Variants in SLC24A2 observed in about 807,000 individuals in gnomAD.
The protein encoded by SLC24A2 is sodium/potassium/calcium exchanger 2.
Under a neutral mutation model 62.0 loss-of-function variants are expected in SLC24A2, and 36 were observed. That is an observed-to-expected ratio of 0.58 (90% CI 0.44 to 0.77). The LOEUF (loss-of-function observed/expected upper bound fraction) is 0.77, where lower values mean the gene tolerates loss of function less well. Ranked by LOEUF, SLC24A2 falls within the 30% of genes least tolerant of loss-of-function variation. The probability of loss-of-function intolerance (pLI) is 0.00; values close to 1 mark genes in which losing one functional copy is unlikely to be tolerated. For missense variants in SLC24A2, 846 were observed against 817.9 expected (o/e 1.03, Z -0.42); for synonymous variants, 358 against 294.0 (o/e 1.22, Z -2.23).
the SLC24A2 span, among the ~76,000 whole-genome samples, chr9:19,821,671 ATCC>A: frequency 2.0e-5 from 3 of 152,138 alleles, no homozygotes; most frequent in East Asian, 5.8e-4. Context: ...TTTAAATGCC[ATCC>A]TCATTAATTT....
intron 8 of SLC24A2, among the ~76,000 whole-genome samples, chr9:19,538,303 C>T (rs1834075120): frequency 1.4e-5 from 2 of 146,012 alleles, no homozygotes; most frequent in Admixed American, 1.4e-4. Context: ...GGAATGCTTC[C>T]AGTTTTTGCC....
At chr9:19,709,787 T>G in intron 2 of SLC24A2, among the ~76,000 whole-genome samples, 1 of 146,562 alleles carries the variant, frequency 6.8e-6, no homozygotes, top group Admixed American at 6.7e-5. Context: ...CATTAGGAGA[T>G]ATACCTAATG....
At chr9:20,249,588 C>T in the SLC24A2 span, among the ~76,000 whole-genome samples, 1 of 151,310 alleles carries the variant, frequency 6.6e-6, no homozygotes, top group South Asian at 2.1e-4. Context: ...TCCTGTAGTC[C>T]CAGCTACTTG....
chr9:19,547,927 T>A (rs1425498564), intron 8 of SLC24A2, among the ~76,000 whole-genome samples: 1 of 151,664 alleles, frequency 6.6e-6, no homozygotes, highest in Non-Finnish European at 1.5e-5. Context: ...TTCAGCTATT[T>A]GGTTGTGGGT....
At chr9:19,521,815 T>C (rs1330300582) in intron 9 of SLC24A2, among the ~76,000 whole-genome samples, 1 of 152,064 alleles carries the variant, frequency 6.6e-6, no homozygotes, top group Non-Finnish European at 1.5e-5. Context: ...TCTTTGTGAA[T>C]AGTACATTAT....
the SLC24A2 span, among the ~76,000 whole-genome samples, chr9:20,267,058 G>GAAAA: frequency 0.022 from 2,850 of 127,578 alleles, 34 homozygotes; most frequent in Non-Finnish European, 0.034. Context: ...CTTAAGAAAT[G>GAAAA]AAAAAAAAAA....
At chr9:20,182,285 G>T in the SLC24A2 span, among the ~76,000 whole-genome samples, 4 of 152,176 alleles carry the variant, frequency 2.6e-5, no homozygotes, top group Non-Finnish European at 5.9e-5. Flanking sequence ...CCATTACTGG[G>T]TATATACCCA....
At chr9:19,668,354 T>G (rs1819317406) in intron 2 of SLC24A2, among the ~76,000 whole-genome samples, 1 of 152,132 alleles carries the variant, frequency 6.6e-6, no homozygotes, top group Non-Finnish European at 1.5e-5. Context: ...CAGAGCTGGG[T>G]GAAATTGCAC....
At chr9:19,806,993 C>T in the SLC24A2 span, among the ~76,000 whole-genome samples, 1 of 152,164 alleles carries the variant, frequency 6.6e-6, no homozygotes, top group Admixed American at 6.5e-5. Flanking sequence ...TTTGAAAACT[C>T]ATTTCTGTAA....
At chr9:19,688,034 T>A (rs1819935743) in intron 2 of SLC24A2, among the ~76,000 whole-genome samples, 1 of 152,136 alleles carries the variant, frequency 6.6e-6, no homozygotes, top group Non-Finnish European at 1.5e-5. Context: ...TTTTGTATGC[T>A]TTCGAAAAGC....
the SLC24A2 span, among the ~76,000 whole-genome samples, chr9:19,893,007 G>A: frequency 6.6e-6 from 1 of 152,132 alleles, no homozygotes; most frequent in African/African-American, 2.4e-5. Context: ...AAAACATGTA[G>A]CCCCTATCTA....
At chr9:19,576,871 C>T (rs1364027215) in intron 6 of SLC24A2, 53 bp downstream of exon 6, 2 of 1,366,412 alleles carry the variant, frequency 1.5e-6, no homozygotes, top group Non-Finnish European at 2.1e-6. Context: ...TGACTCTCTG[C>T]TCCCCTCGCT....
At chr9:20,225,868 CTT>C in the SLC24A2 span, among the ~76,000 whole-genome samples, 1 of 151,724 alleles carries the variant, frequency 6.6e-6, no homozygotes, top group Non-Finnish European at 1.5e-5. Flanking sequence ...ATTTGTTCCT[CTT>C]GTTTACTCTC....
the SLC24A2 span, among the ~76,000 whole-genome samples, chr9:20,170,223 T>C: frequency 6.6e-6 from 1 of 151,550 alleles, no homozygotes; most frequent in African/African-American, 2.4e-5. Flanking sequence ...ATGTTTGATA[T>C]AAAAATACTT....
chr9:19,523,005 G>A (rs1402112370), intron 9 of SLC24A2, among the ~76,000 whole-genome samples: 2 of 152,132 alleles, frequency 1.3e-5, no homozygotes, highest in Non-Finnish European at 2.9e-5. Flanking sequence ...AATTCTTGGA[G>A]GGAATTCTAA....
intron 2 of SLC24A2, among the ~76,000 whole-genome samples, chr9:19,765,175 T>G (rs1822472774): frequency 1.3e-5 from 2 of 152,208 alleles, no homozygotes; most frequent in South Asian, 4.1e-4. Context: ...CCCTTTATTT[T>G]GAGCCTATGT....
the SLC24A2 span, among the ~76,000 whole-genome samples, chr9:20,048,495 G>C: frequency 2.2e-3 from 319 of 144,986 alleles, no homozygotes; most frequent in African/African-American, 7.1e-3. Context: ...GTGTCAAATG[G>C]GATATTATTT....
the SLC24A2 span, among the ~76,000 whole-genome samples, chr9:19,897,627 T>C: frequency 6.6e-6 from 1 of 152,230 alleles, no homozygotes; most frequent in Non-Finnish European, 1.5e-5. Context: ...TTTTAAAGTT[T>C]ATTATTAAAT....
the SLC24A2 span, among the ~76,000 whole-genome samples, chr9:20,273,169 A>C: frequency 6.6e-6 from 1 of 152,146 alleles, no homozygotes; most frequent in African/African-American, 2.4e-5. Context: ...CCCCCAAAAT[A>C]TGGCTTCCTG....
Sources: gnomAD v4.1 joint callset for allele counts (sites outside exome capture counted in the v4.1 genomes callset) on GRCh38, gnomAD v4.1.1 for gene constraint, MANE v1.5 for transcripts, NCBI Gene and HGNC (gene_info 2026-07-23, HGNC 2026-07-21) for gene names.